Variants in PDE4DIP observed in about 807,000 individuals in gnomAD.
The protein encoded by PDE4DIP is phosphodiesterase 4D interacting protein, also known as myomegalin.
A neutral mutation model predicts 221.4 loss-of-function variants in PDE4DIP; 59 were observed. The observed-to-expected ratio is 0.27, with a 90% CI of 0.22 to 0.33. The LOEUF (loss-of-function observed/expected upper bound fraction) is 0.33, where lower values mean the gene tolerates loss of function less well. Among genes scored for constraint, PDE4DIP ranks in the 10% least tolerant of loss-of-function variants. PDE4DIP has a pLI of 1.00. For synonymous variants in PDE4DIP, 404 were observed against 815.9 expected, an observed-to-expected ratio of 0.50 and a Z score of 8.60; for missense variants, 1,036 against 2,154.2, an observed-to-expected ratio of 0.48 and a Z score of 10.28.
chr1:148,981,065 T>TA (rs1233840707), intron 20 of PDE4DIP, among the ~76,000 whole-genome samples: 2 of 152,104 alleles, frequency 1.3e-5, no homozygotes, highest in African/African-American at 2.4e-5. Flanking sequence ...GGCAAGCTTT[T>TA]AAAAAAAGCA....
chr1:148,944,675 A>C (rs2051211574), intron 5 of PDE4DIP, among the ~76,000 whole-genome samples: 1 of 144,994 alleles, frequency 6.9e-6, no homozygotes, highest in Non-Finnish European at 1.5e-5. Flanking sequence ...GTTTGAGACC[A>C]GCCTGGCCAA....
intron 21 of PDE4DIP, 122 bp downstream of exon 24, chr1:148,981,519 T>A: frequency 7.9e-7 from 1 of 1,265,448 alleles, no homozygotes; most frequent in Non-Finnish European, 1.1e-6. Flanking sequence ...TGTCTGATTT[T>A]GGCAGAATTA....
chr1:148,956,132 G>T (rs1212328042), intron 5 of PDE4DIP, among the ~76,000 whole-genome samples: 3 of 152,180 alleles, frequency 2.0e-5, no homozygotes, highest in African/African-American at 7.2e-5. Context: ...GGAAAGAATA[G>T]AAATAATATA....
intron 4 of PDE4DIP, chr1:148,932,586 T>C (rs2048310950): frequency 1.9e-6 from 1 of 526,874 alleles, no homozygotes; most frequent in Admixed American, 3.3e-5. Context: ...ATCTGGCATG[T>C]GTTACAGAAA....
chr1:148,813,945 CTT>C (rs56218480), intron 1 of PDE4DIP, among the ~76,000 whole-genome samples: 2 of 16,498 alleles, frequency 1.2e-4, no homozygotes, highest in African/African-American at 8.7e-4. Flanking sequence ...ATTTATCTGC[CTT>C]TTTTTTTTCC....
chr1:149,018,211 A>C (rs1442634338), intron 34 of PDE4DIP: 3 of 385,152 alleles, frequency 7.8e-6, no homozygotes, highest in African/African-American at 6.0e-5. Context: ...CTCTTTACCA[A>C]GGTGGCCTTT....
chr1:148,953,935 T>A, intron 5 of PDE4DIP: 1 of 1,551,402 alleles, frequency 6.4e-7, no homozygotes, highest in Non-Finnish European at 8.8e-7. Context: ...AGTGCCTTTC[T>A]GATTATAGCT....
chr1:148,987,307 C>CT (rs1157134422), intron 21 of PDE4DIP, among the ~76,000 whole-genome samples: 1 of 152,108 alleles, frequency 6.6e-6, no homozygotes, highest in Admixed American at 6.5e-5. Flanking sequence ...TATATGGAAT[C>CT]TTAATAGTTT....
chr1:149,013,565 G>T (rs2069325102), intron 32 of PDE4DIP, among the ~76,000 whole-genome samples: 1 of 68,052 alleles, frequency 1.5e-5, no homozygotes, highest in Non-Finnish European at 2.9e-5. Flanking sequence ...CTCTTTCATA[G>T]CACCTTAGGC....
chr1:148,971,950 G>GTT (rs60006146), intron 14 of PDE4DIP, among the ~76,000 whole-genome samples: 10 of 127,928 alleles, frequency 7.8e-5, no homozygotes, highest in East Asian at 2.2e-4. Context: ...GTTAAATTCA[G>GTT]TTTTTTTTCC....
Position 148,859,830 on chromosome 1 carries a change from A to ATG in PDE4DIP, c.234-3400_234-3399dup, listed in dbSNP as rs4068415. Among the ~76,000 whole-genome samples, 332 of 105,028 alleles carry ATG rather than the reference A, an allele frequency of 3.2e-3. 1 individual carries two copies. Among genetic ancestry groups the ATG allele is most frequent in the African/African-American group, 6.0e-3 (143 of 23,774 alleles). 68.9% of individuals were successfully genotyped at this position (105,028 alleles called of 152,430 possible). A position where few individuals can be genotyped will look rare whatever the true frequency, so the allele number is the denominator to read the frequency against. ...TGTGTGTGTGTGTGTGTGTGTGTGT[A>ATG]TGTGTGTGTGTGTGTGTGTGTCCAT... On this transcript the variant is annotated intron_variant, in intron 1 of 45. Transcript: ENST00000524974.
exon 31 of PDE4DIP, chr1:149,010,467 C>T (rs781862387): frequency 1.9e-6 from 3 of 1,613,054 alleles, no homozygotes; most frequent in Non-Finnish European, 2.5e-6. Flanking sequence ...TCGAGTCATT[C>T]TGCTGTGTTG....
chr1:148,832,667 C>G (rs1221245448), intron 1 of PDE4DIP, among the ~76,000 whole-genome samples: 1 of 151,852 alleles, frequency 6.6e-6, no homozygotes, highest in South Asian at 2.1e-4. Context: ...TTGTCAAAGG[C>G]CTTTCTGCAT....
At chr1:148,997,406 G>C (rs1446045545) in intron 22 of PDE4DIP, among the ~76,000 whole-genome samples, 22 of 148,242 alleles carry the variant, frequency 1.5e-4, no homozygotes, top group Non-Finnish European at 3.2e-4. Flanking sequence ...TCCTGCCTCT[G>C]TTTCTTCCAC....
chr1:149,023,410 A>G (rs2073765148), intron 37 of PDE4DIP, among the ~76,000 whole-genome samples: 1 of 149,390 alleles, frequency 6.7e-6, no homozygotes, highest in African/African-American at 2.5e-5. Context: ...AACAAATTTT[A>G]CCTTTCGAAA....
At chr1:148,952,437 T>G in intron 5 of PDE4DIP, 7 of 1,084,854 alleles carry the variant, frequency 6.5e-6, no homozygotes, top group Non-Finnish European at 7.8e-6. Flanking sequence ...GAGCCCAGTC[T>G]GCTAAAAGGG....
intron 1 of PDE4DIP, among the ~76,000 whole-genome samples, chr1:148,815,146 A>G (rs2149730095): frequency 1.7e-5 from 2 of 120,630 alleles, no homozygotes; most frequent in Non-Finnish European, 3.5e-5. Flanking sequence ...AAAATAGTAA[A>G]GTAGAAAGAA....
intron 22 of PDE4DIP, 91 bp downstream of exon 25, chr1:148,992,064 G>C: frequency 2.7e-6 from 2 of 743,058 alleles, no homozygotes; most frequent in Non-Finnish European, 4.8e-6. Context: ...TGCGGACTTA[G>C]TGAGAAGATA....
chr1:148,963,057 T>A (rs1454069682), intron 9 of PDE4DIP, among the ~76,000 whole-genome samples: 1 of 152,138 alleles, frequency 6.6e-6, no homozygotes, highest in Non-Finnish European at 1.5e-5. Context: ...CATGCCTGGC[T>A]AATGTTGTTT....
Sources: allele counts gnomAD v4.1 joint callset (sites outside exome capture counted in the v4.1 genomes callset), GRCh38; gene constraint gnomAD v4.1.1; transcripts MANE v1.5; gene names NCBI Gene and HGNC (gene_info 2026-07-23, HGNC 2026-07-21).